CARMIL1: variants seen among roughly 807,000 people sequenced by gnomAD.
CARMIL1 encodes F-actin-uncapping protein LRRC16A.
Under a neutral mutation model 177.1 loss-of-function variants are expected in CARMIL1, and 90 were observed. The observed-to-expected ratio is 0.51, with a 90% CI of 0.43 to 0.61. CARMIL1 has a LOEUF of 0.61. Among genes scored for constraint, CARMIL1 ranks in the 20% least tolerant of loss-of-function variants. The pLI, the probability that CARMIL1 is intolerant of heterozygous loss-of-function variation, is 0.00. For missense variants in CARMIL1, 1,380 were observed against 1,667.0 expected, an observed-to-expected ratio of 0.83 and a Z score of 3.00; for synonymous variants, 577 against 606.2, an observed-to-expected ratio of 0.95 and a Z score of 0.71.
chr6:25,404,291 T>C (rs535301415), intron 2 of CARMIL1, among the ~76,000 whole-genome samples: 1 of 152,330 alleles, frequency 6.6e-6, no homozygotes, highest in East Asian at 1.9e-4. Flanking sequence ...GTCCCTTTGC[T>C]GGCTGGCCAG....
intron 2 of CARMIL1, among the ~76,000 whole-genome samples, chr6:25,299,353 G>T (rs1226535222): frequency 6.6e-6 from 1 of 150,562 alleles, no homozygotes; most frequent in Admixed American, 6.6e-5. Context: ...TGTATTTTTA[G>T]TAGAGACGGG....
rs113455771 is a variant in CARMIL1 at position 25,371,449 on chromosome 6, A to G, written c.139-48665A>G. Among the ~76,000 whole-genome samples the G allele has an allele frequency of 3.5e-3, 539 of 152,320 alleles. 5 individuals are homozygous for G. The highest frequency in any genetic ancestry group is 0.012 in the African/African-American group (506 of 41,574). The stretch of plus-strand genomic sequence containing the variant: ...GTATTTTACCTTTTTAGTAATGGCC[A>G]TTCTGGCTGGGGTAAGGTGGTATCT... On this transcript the variant is annotated intron_variant, in intron 2 of 36. Transcript: ENST00000329474.
rs189106314 is a variant in CARMIL1 at position 25,608,703 on chromosome 6, T to A, written c.3848-1347T>A. ...TCCTCTCCGCCACAGCTCTGACAGATGGTGAAGGTGGATAGTGTTATCTTC... is the reference window on the plus strand; with the variant it reads ...TCCTCTCCGCCACAGCTCTGACAGAAGGTGAAGGTGGATAGTGTTATCTTC... On this transcript the variant is annotated intron_variant, in intron 35 of 36. Coordinates refer to ENST00000329474, the MANE Select transcript of CARMIL1 (RefSeq NM_017640.6). Among the ~76,000 whole-genome samples the A allele has an allele frequency of 2.8e-4, 43 of 152,332 alleles. 1 individual carries two copies. Among genetic ancestry groups the A allele is most frequent in the Admixed American group, 7.2e-4 (11 of 15,302 alleles).
chr6:25,585,889 C>G (rs1446710881), intron 31 of CARMIL1, among the ~76,000 whole-genome samples: 1 of 152,128 alleles, frequency 6.6e-6, no homozygotes, highest in African/African-American at 2.4e-5. Flanking sequence ...TAACAGCATC[C>G]CAAGGCAGAA....
At chr6:25,445,464 A>G (rs1362832913) in intron 5 of CARMIL1, among the ~76,000 whole-genome samples, 2 of 151,958 alleles carry the variant, frequency 1.3e-5, no homozygotes, top group Non-Finnish European at 2.9e-5. Context: ...GAAGGTTTTC[A>G]ATTTACTTTG....
At chr6:25,412,213 G>A (rs1794962569) in intron 2 of CARMIL1, among the ~76,000 whole-genome samples, 1 of 152,214 alleles carries the variant, frequency 6.6e-6, no homozygotes, top group South Asian at 2.1e-4. Context: ...ACTCTTCTGA[G>A]CACTTTAGGT....
At chr6:25,579,590 T>C (rs374486469) in intron 29 of CARMIL1, among the ~76,000 whole-genome samples, 2 of 152,320 alleles carry the variant, frequency 1.3e-5, no homozygotes, top group East Asian at 3.9e-4. Flanking sequence ...TTGCATTGAG[T>C]TAGCTGAGTT....
At chr6:25,573,739 G>C (rs557291311) in intron 29 of CARMIL1, among the ~76,000 whole-genome samples, 157 of 151,664 alleles carry the variant, frequency 1.0e-3, no homozygotes, top group Non-Finnish European at 1.7e-3. Flanking sequence ...TCTCAGTTCT[G>C]TATTAAAAGG....
At chr6:25,393,032 T>A (rs1793034054) in intron 2 of CARMIL1, among the ~76,000 whole-genome samples, 2 of 152,178 alleles carry the variant, frequency 1.3e-5, no homozygotes, top group Admixed American at 6.5e-5. Context: ...GAGAGTGGTT[T>A]CTTTCATGGT....
intron 5 of CARMIL1, 66 bp downstream of exon 5, chr6:25,435,670 C>A (rs1797160667): frequency 1.3e-6 from 2 of 1,485,778 alleles, no homozygotes; most frequent in South Asian, 2.7e-5. Flanking sequence ...GCAAATACAA[C>A]AATGCCTTCT....
intron 2 of CARMIL1, among the ~76,000 whole-genome samples, chr6:25,348,254 T>C (rs1006165368): frequency 2.6e-5 from 4 of 151,992 alleles, no homozygotes; most frequent in African/African-American, 9.7e-5. Flanking sequence ...TGCCTCAGTC[T>C]CCCGAGTAGC....
chr6:25,363,528 G>A (rs1296987700), intron 2 of CARMIL1, among the ~76,000 whole-genome samples: 1 of 152,164 alleles, frequency 6.6e-6, no homozygotes, highest in Non-Finnish European at 1.5e-5. Flanking sequence ...TTGGATATTT[G>A]TGAGGTTTTG....
At chr6:25,594,792 C>T (rs1018315229) in intron 32 of CARMIL1, among the ~76,000 whole-genome samples, 1 of 152,150 alleles carries the variant, frequency 6.6e-6, no homozygotes, top group Non-Finnish European at 1.5e-5. Flanking sequence ...ATAAGCCCTC[C>T]AGGTTATGCT....
At chr6:25,565,039 A>G (rs921541763) in intron 29 of CARMIL1, among the ~76,000 whole-genome samples, 1 of 152,214 alleles carries the variant, frequency 6.6e-6, no homozygotes, top group Non-Finnish European at 1.5e-5. Context: ...GAGAGATGGC[A>G]TGAGAAAGAG....
chr6:25,423,001 G>C (rs1479211404), intron 3 of CARMIL1, among the ~76,000 whole-genome samples: 1 of 152,172 alleles, frequency 6.6e-6, no homozygotes, highest in Non-Finnish European at 1.5e-5. Context: ...AAGAAAGGCA[G>C]ATTTTCTTCC....
At chr6:25,564,060 C>T (rs190189583) in intron 29 of CARMIL1, 42 of 194,088 alleles carry the variant, frequency 2.2e-4, no homozygotes, top group Admixed American at 3.3e-4. Context: ...TATCATATTA[C>T]ACCAAATGTT....
At chr6:25,401,010 CTTTAG>C (rs1793840409) in intron 2 of CARMIL1, among the ~76,000 whole-genome samples, 1 of 142,724 alleles carries the variant, frequency 7.0e-6, no homozygotes, top group Non-Finnish European at 1.5e-5. Context: ...AACATACTTA[CTTTAG>C]TTTAGATTTA....
chr6:25,520,759 A>G (rs1156397374), intron 23 of CARMIL1, among the ~76,000 whole-genome samples: 2 of 151,924 alleles, frequency 1.3e-5, no homozygotes, highest in Non-Finnish European at 2.9e-5. Flanking sequence ...ATCCTCATCT[A>G]TAAATGTATG....
At chr6:25,572,702 CAAAAAAAAAAAAAAA>C (rs35085655) in intron 29 of CARMIL1, among the ~76,000 whole-genome samples, 1 of 53,170 alleles carries the variant, frequency 1.9e-5, no homozygotes, top group Non-Finnish European at 3.4e-5. Flanking sequence ...GACCTTGTCT[CAAAAAAAAAAAAAAA>C]AAAAAAAAAA....
Sources: allele counts gnomAD v4.1 joint callset (sites outside exome capture counted in the v4.1 genomes callset), GRCh38; gene constraint gnomAD v4.1.1; transcripts MANE v1.5; gene names NCBI Gene and HGNC (gene_info 2026-07-23, HGNC 2026-07-21).